RBFOX1: variants seen among roughly 807,000 people sequenced by gnomAD.
RBFOX1 encodes RNA binding protein fox-1 homolog 1.
A neutral mutation model predicts 57.7 loss-of-function variants in RBFOX1; 8 were observed. The observed-to-expected ratio is 0.14, with a 90% CI of 0.08 to 0.25. The LOEUF (loss-of-function observed/expected upper bound fraction) is 0.25. Ranked by LOEUF, RBFOX1 falls within the 10% of genes least tolerant of loss-of-function variation. The pLI is 1.00. For synonymous variants in RBFOX1, 326 were observed against 222.4 expected (o/e 1.47, Z -4.15); for missense variants, 611 against 548.5 (o/e 1.11, Z -1.14).
chr16:6,931,275 ATCTATCTG>A (rs1289433813), intron 3 of RBFOX1, among the ~76,000 whole-genome samples: 1 of 115,884 alleles, frequency 8.6e-6, no homozygotes, highest in African/African-American at 3.6e-5. Flanking sequence ...AAAAAAATCT[ATCTATCTG>A]TCTGTCTGTC....
At chr16:7,316,272 C>A (rs1004856243) in intron 4 of RBFOX1, among the ~76,000 whole-genome samples, 2 of 152,126 alleles carry the variant, frequency 1.3e-5, no homozygotes, top group Non-Finnish European at 2.9e-5. Context: ...ACATAGCAGA[C>A]TTTTGAGAGT....
chr16:7,154,382 C>G (rs894535671), intron 4 of RBFOX1, among the ~76,000 whole-genome samples: 1 of 152,192 alleles, frequency 6.6e-6, no homozygotes, highest in Admixed American at 6.5e-5. Context: ...GAGTGTGACA[C>G]ACATTTCATG....
chr16:6,316,895 A>G (rs2081184722), intron 1 of RBFOX1, 100 bp from the exon 2 acceptor site: 4 of 835,192 alleles, frequency 4.8e-6, no homozygotes, highest in South Asian at 1.7e-5. Flanking sequence ...GTCAGAACCT[A>G]TTTTGAAGGT....
chr16:6,316,507 C>T (rs886378702), intron 1 of RBFOX1, among the ~76,000 whole-genome samples: 10 of 152,100 alleles, frequency 6.6e-5, no homozygotes, highest in African/African-American at 1.7e-4. Context: ...GCAGTTCTAG[C>T]GTTGAAAGGA....
At chr16:5,489,190 G>A (rs888094087) in intron 2 of RBFOX1, among the ~76,000 whole-genome samples, 3 of 152,210 alleles carry the variant, frequency 2.0e-5, no homozygotes, top group African/African-American at 4.8e-5. Context: ...ATTCCTAGGC[G>A]CAGTTGGCTT....
chr16:6,578,998 A>G (rs1261152804), intron 2 of RBFOX1, among the ~76,000 whole-genome samples: 2 of 152,044 alleles, frequency 1.3e-5, no homozygotes, highest in African/African-American at 4.8e-5. Flanking sequence ...TAAAGCACTT[A>G]TTTATGTAAC....
chr16:6,957,062 G>A (rs1320961041), intron 3 of RBFOX1, among the ~76,000 whole-genome samples: 1 of 139,598 alleles, frequency 7.2e-6, no homozygotes, highest in Non-Finnish European at 1.5e-5. Context: ...AGCAGCCCAA[G>A]GGCTGCTGGT....
intron 4 of RBFOX1, among the ~76,000 whole-genome samples, chr16:7,163,681 C>G (rs945446973): frequency 6.6e-6 from 1 of 151,790 alleles, no homozygotes; most frequent in Non-Finnish European, 1.5e-5. Context: ...TTTTTTTAGA[C>G]AGTCTTGCTC....
intron 3 of RBFOX1, among the ~76,000 whole-genome samples, chr16:6,669,167 C>A (rs952994192): frequency 1.3e-5 from 2 of 152,014 alleles, no homozygotes; most frequent in Non-Finnish European, 2.9e-5. Context: ...AGGGATTATG[C>A]CATCCATCTC....
At chr16:7,148,856 C>G (rs560147743) in intron 4 of RBFOX1, among the ~76,000 whole-genome samples, 1 of 152,294 alleles carries the variant, frequency 6.6e-6, no homozygotes, top group Admixed American at 6.5e-5. Flanking sequence ...ACCCTCGGGT[C>G]ACCATCACCT....
At chr16:7,645,502 G>T (rs776235573) in intron 11 of RBFOX1, among the ~76,000 whole-genome samples, 7 of 152,160 alleles carry the variant, frequency 4.6e-5, no homozygotes, top group Non-Finnish European at 8.8e-5. Flanking sequence ...TGTTGTAATA[G>T]ACTGCAGCAA....
chr16:7,364,369 A>G (rs2097394297), intron 4 of RBFOX1, among the ~76,000 whole-genome samples: 1 of 152,164 alleles, frequency 6.6e-6, no homozygotes, highest in Non-Finnish European at 1.5e-5. Context: ...TTAAGAGGAA[A>G]AAAAATGACT....
intron 5 of RBFOX1, among the ~76,000 whole-genome samples, chr16:7,521,655 T>C (rs1429562359): frequency 2.0e-5 from 3 of 152,234 alleles, no homozygotes; most frequent in Non-Finnish European, 4.4e-5. Flanking sequence ...TTTCTGTTAA[T>C]TATGATAACG....
intron 3 of RBFOX1, chr16:6,774,040 G>A: frequency 1.0e-6 from 1 of 973,414 alleles, no homozygotes; most frequent in Non-Finnish European, 1.2e-6. Context: ...TTTTCTACCT[G>A]TAAATGCTCA....
intron 3 of RBFOX1, among the ~76,000 whole-genome samples, chr16:6,725,384 C>T (rs996697206): frequency 6.6e-6 from 1 of 152,024 alleles, no homozygotes; most frequent in Non-Finnish European, 1.5e-5. Flanking sequence ...ATCTTTTTAC[C>T]AACGAGGTCT....
intron 4 of RBFOX1, among the ~76,000 whole-genome samples, chr16:7,211,371 G>A (rs1603239900): frequency 2.3e-5 from 3 of 128,966 alleles, no homozygotes; most frequent in South Asian, 2.6e-4. Flanking sequence ...CAGCCTGGGC[G>A]ACAGAGTGAG....
At chr16:6,910,494 A>T (rs1489869771) in intron 3 of RBFOX1, among the ~76,000 whole-genome samples, 1 of 152,176 alleles carries the variant, frequency 6.6e-6, no homozygotes, top group Non-Finnish European at 1.5e-5. Flanking sequence ...CACTTGTGTT[A>T]ATCACTCAAA....
chr16:7,278,103 A>C (rs986885582), intron 4 of RBFOX1, among the ~76,000 whole-genome samples: 2 of 152,178 alleles, frequency 1.3e-5, no homozygotes, highest in African/African-American at 4.8e-5. Flanking sequence ...TAATGAATCC[A>C]TAGTGGTATT....
intron 1 of RBFOX1, among the ~76,000 whole-genome samples, chr16:6,137,429 T>C (rs1192623545): frequency 2.0e-5 from 3 of 151,936 alleles, no homozygotes; most frequent in Non-Finnish European, 4.4e-5. Flanking sequence ...CTCAGTTTCC[T>C]GAGTAGCTGG....
Sources: gnomAD v4.1 joint callset for allele counts (sites outside exome capture counted in the v4.1 genomes callset) on GRCh38, gnomAD v4.1.1 for gene constraint, MANE v1.5 for transcripts, NCBI Gene and HGNC (gene_info 2026-07-23, HGNC 2026-07-21) for gene names.